CPLANE1: variants seen among roughly 807,000 people sequenced by gnomAD.
CPLANE1 encodes the protein ciliogenesis and planar polarity effector 1.
In CPLANE1, 263 loss-of-function variants were observed where a neutral mutation model predicts 362.5. That is an observed-to-expected ratio of 0.73 (90% CI 0.66 to 0.80). The LOEUF is 0.80. Ranked by LOEUF, CPLANE1 falls within the 30% of genes least tolerant of loss-of-function variation. The pLI is 0.00. For missense variants in CPLANE1, 3,461 were observed against 3,793.4 expected (o/e 0.91, Z 2.30); for synonymous variants, 1,212 against 1,302.6 (o/e 0.93, Z 1.50).
Position 37,226,320 on chromosome 5 carries a change from G to C in CPLANE1, c.2275C>G (p.Gln759Glu), listed in dbSNP as rs863225158. The change falls in exon 12 of 53, where the codon CAA (glutamine) becomes GAA (glutamate). Residue 759 changes from glutamine to glutamate, a missense_variant. By Grantham distance (29) the Gln-to-Glu change is conservative (BLOSUM62 2). This residue lies in a region of CPLANE1 where 3,380 missense variants were observed against 3,666.1 expected (regional missense o/e 0.92). Coordinates refer to ENST00000651892, the MANE Select transcript of CPLANE1 (RefSeq NM_001384732.1). ...KIHPQVVNPVQQPGHRLLILW... is the reference protein window; with the variant it reads ...KIHPQVVNPVEQPGHRLLILW... ...TGATTATACCTGTGTCCTGGCTGTT[G>C]CACAGGATTTACTACTTGAGGATGA... is the stretch of plus-strand genomic sequence containing the variant. 6.6e-7 allele frequency: 1 copy of C among 1,524,668 alleles called. No individual in the cohort carries two copies. Among genetic ancestry groups the C allele is most frequent in the East Asian group, 2.5e-5 (1 of 40,696 alleles). The allele number at this position is 1,524,668 out of a possible 1,614,324, so 94.4% of individuals were successfully genotyped here.
chr5:37,106,781 T>C lies in CPLANE1; in HGVS notation c.*821A>G, dbSNP rs1462937328. On this transcript the variant is annotated 3_prime_UTR_variant, in exon 53 of 53. Coordinates refer to ENST00000651892, the MANE Select transcript of CPLANE1 (RefSeq NM_001384732.1). ...AGGGGTATTTAATAGCTTTTTCAGATGATAGTGTGCTTTTATATTATACCA... is the reference window on the plus strand; with the variant it reads ...AGGGGTATTTAATAGCTTTTTCAGACGATAGTGTGCTTTTATATTATACCA... 1 of 906,788 alleles carries C rather than the reference T, an allele frequency of 1.1e-6. No individual in the cohort carries two copies. Among genetic ancestry groups the C allele is most frequent in the African/African-American group, 1.8e-5 (1 of 55,756 alleles). The allele number at this position is 906,788 out of a possible 1,614,324, so 56.2% of individuals were successfully genotyped here.
In CPLANE1 at chr5:37,245,582, C is replaced by T. The variant is rs1479661458; in HGVS notation, c.234G>A (p.Gly78=). 9 of 1,515,268 alleles carry T rather than the reference C, an allele frequency of 5.9e-6. No homozygotes were observed. The highest frequency in any genetic ancestry group is 6.2e-6 in the Non-Finnish European group (7 of 1,131,946). 93.9% of individuals were successfully genotyped at this position (1,515,268 alleles called of 1,614,324 possible). ...GGAAAAGCTCTCCTGTAGTTAGTAC[C>T]CCAGCCAGCCAGGCATCTGTTTCCA... ...TTSSNDAWLA[G]VLTTGELFLW... is the part of the protein sequence containing the mutation. Residue 78 remains glycine, a synonymous_variant, in exon 4 of 53, where the codon GGG becomes GGA. Transcript: ENST00000651892.
chr5:37,161,321 A>G (rs1337331061), intron 38 of CPLANE1, among the ~76,000 whole-genome samples: 1 of 152,196 alleles, frequency 6.6e-6, no homozygotes. Flanking sequence ...TGGAAATAAA[A>G]AGGTGTCCTA....
At position 37,221,448 on chromosome 5, in the gene CPLANE1, A is replaced by G. The variant is rs1795337193; in HGVS notation, c.2622T>C (p.Leu874=). The change falls in exon 15 of 53, where the codon CTT becomes CTC. Residue 874 remains leucine, a synonymous_variant. Coordinates refer to ENST00000651892, the MANE Select transcript of CPLANE1 (RefSeq NM_001384732.1). The part of the protein sequence containing the change: ...RTYFLQIRYY[L]SLLYCHLYSY... ...TATAGAGGTGGCAGTATAAGAGAGAAAGATAATAGCGTATCTGAAGAAAAT... is the reference window on the plus strand; with the variant it reads ...TATAGAGGTGGCAGTATAAGAGAGAGAGATAATAGCGTATCTGAAGAAAAT... The G allele has an allele frequency of 6.6e-7, 1 of 1,515,490 alleles. No homozygotes were observed. The highest frequency in any genetic ancestry group is 1.3e-5 in the South Asian group (1 of 76,714). 93.9% of individuals were successfully genotyped at this position (1,515,490 alleles called of 1,614,324 possible). A position where few individuals can be genotyped will look rare whatever the true frequency, so the allele number is the denominator to read the frequency against.
intron 20 of CPLANE1, among the ~76,000 whole-genome samples, chr5:37,197,158 T>A (rs1364872186): frequency 1.3e-5 from 2 of 151,890 alleles, no homozygotes; most frequent in Non-Finnish European, 2.9e-5. Context: ...CTTCTACAGA[T>A]AACAGGCTGA....
intron 21 of CPLANE1, among the ~76,000 whole-genome samples, chr5:37,192,446 A>G (rs769928221): frequency 7.2e-5 from 11 of 152,226 alleles, no homozygotes; most frequent in Admixed American, 5.9e-4. Context: ...TGGTCACACA[A>G]CAAAATTGTC....
chr5:37,247,220 A>G (rs1049394361), intron 2 of CPLANE1, among the ~76,000 whole-genome samples: 2 of 152,234 alleles, frequency 1.3e-5, no homozygotes, highest in African/African-American at 4.8e-5. Flanking sequence ...CTAGTTTCCA[A>G]GAACACTTCA....
rs1580550623 is a variant in CPLANE1, at chr5:37,187,790, C to A, written c.3864G>T (p.Lys1288Asn). Residue 1288 changes from lysine to asparagine, a missense_variant, in exon 22 of 53, where the codon AAG becomes AAT. Physicochemically the swap from Lys to Asn is moderately conservative, Grantham distance 94. Transcript: ENST00000651892. The stretch of plus-strand genomic sequence containing the variant: ...GATATTGCCTGCAACTATAGGATAA[C>A]TTATCACGGACATGCAGCATCCAAC... Reference protein sequence around the residue: ...ALCWMLHVRDKLSYSCRQYQK... With the variant: ...ALCWMLHVRDNLSYSCRQYQK... 6.2e-7 allele frequency: 1 copy of A among 1,613,900 alleles called. No individual in the cohort carries two copies.
chr5:37,192,820 C>T (rs1355886456), intron 21 of CPLANE1, among the ~76,000 whole-genome samples: 1 of 142,702 alleles, frequency 7.0e-6, no homozygotes. Context: ...CGTGCCACTA[C>T]ACTCCAGCCT....
At chr5:37,149,182 C>T (rs1039722482) in intron 42 of CPLANE1, among the ~76,000 whole-genome samples, 10 of 152,226 alleles carry the variant, frequency 6.6e-5, no homozygotes, top group African/African-American at 1.2e-4. Context: ...TGTTCCAAGA[C>T]GCCCAGTGGA....
At chr5:37,091,878 C>T in the CPLANE1 span, among the ~76,000 whole-genome samples, 4 of 152,132 alleles carry the variant, frequency 2.6e-5, no homozygotes, top group African/African-American at 4.8e-5. Context: ...CAGCCCCAGA[C>T]GATGAGGCTT....
intron 18 of CPLANE1, among the ~76,000 whole-genome samples, chr5:37,202,158 CTTTT>C (rs34033701): frequency 7.1e-6 from 1 of 141,140 alleles, no homozygotes; most frequent in Non-Finnish European, 1.6e-5. Context: ...GTAACTTTTC[CTTTT>C]TTTTTTTTTT....
chr5:37,141,676 GAA>G, intron 44 of CPLANE1: 1 of 983,370 alleles, frequency 1.0e-6, no homozygotes, highest in African/African-American at 1.7e-5. Context: ...ATATCTGAGA[GAA>G]AAAAAATATT....
intron 18 of CPLANE1, among the ~76,000 whole-genome samples, chr5:37,204,036 A>G (rs1277453725): frequency 6.6e-6 from 1 of 152,162 alleles, no homozygotes; most frequent in African/African-American, 2.4e-5. Flanking sequence ...AACACATTTT[A>G]TCTATGTATT....
In CPLANE1 at chr5:37,224,268, C is replaced by T. The variant is rs1465109201; in HGVS notation, c.2566G>A (p.Glu856Lys). The T allele has an allele frequency of 6.5e-7, 1 of 1,548,052 alleles. No individual in the cohort carries two copies. The highest frequency in any genetic ancestry group is 2.0e-5 in the Admixed American group (1 of 50,682). ...SVQLWKKALQEIEEKGGRRTY... is the reference protein window; with the variant it reads ...SVQLWKKALQKIEEKGGRRTY... ...ACTCTCTTACCTTTCTCTTCGATTT[C>T]TTGTAGAGCTTTTTTCCACAGCTGA... is the stretch of plus-strand genomic sequence containing the variant. Residue 856 changes from glutamate (E) to lysine (K), a missense_variant, in exon 14 of 53, where the codon GAA (glutamate) becomes AAA (lysine). Transcript: ENST00000651892.
intron 32 of CPLANE1, 148 bp from the exon 33 acceptor site, chr5:37,170,479 G>A: frequency 2.3e-6 from 2 of 860,934 alleles, no homozygotes. Context: ...AGGCAGTCAG[G>A]GAAATTTTTT....
intron 8 of CPLANE1, among the ~76,000 whole-genome samples, chr5:37,234,067 C>A (rs901771967): frequency 3.9e-5 from 6 of 152,204 alleles, no homozygotes; most frequent in Middle Eastern, 3.4e-3. Context: ...AACATACATA[C>A]ATCTTCAGGA....
At chr5:37,096,173 AACTAT>A in the CPLANE1 span, among the ~76,000 whole-genome samples, 2 of 152,240 alleles carry the variant, frequency 1.3e-5, no homozygotes, top group Admixed American at 1.3e-4. Context: ...CCTGATTTCA[AACTAT>A]ACTATAAGGC....
chr5:37,080,674 G>A, the CPLANE1 span, among the ~76,000 whole-genome samples: 17 of 152,306 alleles, frequency 1.1e-4, no homozygotes, highest in Non-Finnish European at 2.2e-4. Flanking sequence ...AGAGATACTA[G>A]AAGCTAAGAA....
Sources: gnomAD v4.1 joint callset for allele counts (sites outside exome capture counted in the v4.1 genomes callset) on GRCh38, gnomAD v4.1.1 for gene constraint, gnomAD v4.1.1 regional missense constraint, MANE v1.5 for transcripts, NCBI Gene and HGNC (gene_info 2026-07-23, HGNC 2026-07-21) for gene names.